PACS1: variants seen among roughly 807,000 people sequenced by gnomAD.
The protein encoded by PACS1 is PACS-1.
A neutral mutation model predicts 115.0 loss-of-function variants in PACS1; 24 were observed. The observed-to-expected ratio is 0.21, with a 90% CI of 0.15 to 0.29. PACS1 has a LOEUF of 0.29. Ranked by LOEUF, PACS1 falls within the 10% of genes least tolerant of loss-of-function variation. The pLI is 1.00. For synonymous variants in PACS1, 453 were observed against 504.5 expected (o/e 0.90, Z 1.37); for missense variants, 838 against 1,251.2 (o/e 0.67, Z 4.98).
intron 1 of PACS1, among the ~76,000 whole-genome samples, chr11:66,117,253 G>T (rs1858325441): frequency 6.6e-6 from 1 of 151,952 alleles, no homozygotes; most frequent in Non-Finnish European, 1.5e-5. Context: ...TTGAGGTCAG[G>T]AGTTTGAAGC....
At chr11:66,238,628 AGTGCTGGGATTAC>A in intron 19 of PACS1, 163 bp from the exon 20 acceptor site, 2 of 622,420 alleles carry the variant, frequency 3.2e-6, no homozygotes, top group Non-Finnish European at 5.6e-6. Flanking sequence ...AGCCTCCCAA[AGTGCTGGGATTAC>A]AGGCATAAGC....
At chr11:66,100,731 AG>A in intron 1 of PACS1, 1 of 452,024 alleles carries the variant, frequency 2.2e-6, no homozygotes, top group Non-Finnish European at 4.5e-6. Flanking sequence ...TGGAGCATCC[AG>A]GGGCGGAGGC....
intron 1 of PACS1, among the ~76,000 whole-genome samples, chr11:66,162,387 G>T (rs551796212): frequency 6.6e-6 from 1 of 152,150 alleles, no homozygotes; most frequent in Admixed American, 6.6e-5. Flanking sequence ...CTCCCAAAGT[G>T]CTGGGATTAC....
intron 1 of PACS1, among the ~76,000 whole-genome samples, chr11:66,125,171 C>T (rs147959847): frequency 2.6e-5 from 4 of 152,202 alleles, no homozygotes; most frequent in Non-Finnish European, 5.9e-5. Context: ...AAGAATGATA[C>T]AATGGACTTT....
At chr11:66,183,910 G>C (rs910832179) in intron 1 of PACS1, among the ~76,000 whole-genome samples, 2 of 152,142 alleles carry the variant, frequency 1.3e-5, no homozygotes, top group Non-Finnish European at 2.9e-5. Context: ...TGACATCTGG[G>C]TGTTGCCATG....
intron 1 of PACS1, among the ~76,000 whole-genome samples, chr11:66,102,929 C>A (rs561742169): frequency 6.6e-6 from 1 of 152,116 alleles, no homozygotes; most frequent in Non-Finnish European, 1.5e-5. Flanking sequence ...CTCCCAGGTT[C>A]AAGCCATTCT....
At chr11:66,188,694 G>A (rs1394547564) in intron 1 of PACS1, among the ~76,000 whole-genome samples, 1 of 152,154 alleles carries the variant, frequency 6.6e-6, no homozygotes, top group Non-Finnish European at 1.5e-5. Flanking sequence ...GGGGTGGGCA[G>A]CTAACTAACC....
chr11:66,234,512 T>C (rs1263123260), intron 17 of PACS1, among the ~76,000 whole-genome samples: 1 of 152,204 alleles, frequency 6.6e-6, no homozygotes, highest in Non-Finnish European at 1.5e-5. Context: ...GGCCAGGGCG[T>C]CTCTAGTTGT....
intron 11 of PACS1, among the ~76,000 whole-genome samples, chr11:66,229,827 T>C (rs763357625): frequency 9.9e-5 from 15 of 152,110 alleles, no homozygotes; most frequent in Non-Finnish European, 2.1e-4. Context: ...ATGCTTGTAA[T>C]CCCAGCTAGT....
intron 1 of PACS1, among the ~76,000 whole-genome samples, chr11:66,188,861 A>G (rs1854451878): frequency 6.6e-6 from 1 of 152,186 alleles, no homozygotes; most frequent in Non-Finnish European, 1.5e-5. Context: ...GTTCTCTGTT[A>G]TATTAAGGTA....
At chr11:66,072,209 A>G (rs1857320073) in intron 1 of PACS1, among the ~76,000 whole-genome samples, 1 of 152,036 alleles carries the variant, frequency 6.6e-6, no homozygotes, top group African/African-American at 2.4e-5. Flanking sequence ...TAGGTTTGTG[A>G]GAATCATCCA....
rs534653144 is a variant in PACS1, at chr11:66,071,361, C to T, written c.356+519C>T. Among the ~76,000 whole-genome samples the T allele has an allele frequency of 2.0e-5, 3 of 152,294 alleles. No individual in the cohort carries two copies. The East Asian group carries it at 5.8e-4, about 29-fold the overall frequency. ...ACTTCATATTACACACGTTCTGTCC[C>T]AAGCGCTAGGCTCTTAGTTTTGGGG... On this transcript the variant is annotated intron_variant, in intron 1 of 23. Coordinates refer to ENST00000320580, the MANE Select transcript of PACS1 (RefSeq NM_018026.4).
chr11:66,078,758 TG>T (rs1340276720), intron 1 of PACS1, among the ~76,000 whole-genome samples: 2 of 152,204 alleles, frequency 1.3e-5, no homozygotes, highest in Non-Finnish European at 2.9e-5. Flanking sequence ...CCCACTATGC[TG>T]CCCAGGCTGA....
chr11:66,186,761 A>AT (rs577565904), intron 1 of PACS1, among the ~76,000 whole-genome samples: 149 of 152,118 alleles, frequency 9.8e-4, no homozygotes, highest in East Asian at 3.9e-3. Context: ...TCATTCAGGC[A>AT]TTTTTTTTGT....
At chr11:66,119,105 A>T in intron 1 of PACS1, among the ~76,000 whole-genome samples, 1 of 151,992 alleles carries the variant, frequency 6.6e-6, no homozygotes. Context: ...GAGGCCCCCT[A>T]CTCCCTGCTT....
chr11:66,073,501 G>A (rs1857345186), intron 1 of PACS1, among the ~76,000 whole-genome samples: 1 of 152,174 alleles, frequency 6.6e-6, no homozygotes, highest in South Asian at 2.1e-4. Flanking sequence ...ACAGTGTTAG[G>A]AAGGTCCTGC....
At chr11:66,215,670 G>A (rs934798307) in intron 4 of PACS1, among the ~76,000 whole-genome samples, 4 of 151,926 alleles carry the variant, frequency 2.6e-5, no homozygotes, top group South Asian at 2.1e-4. Context: ...AGGCCGAGGC[G>A]GGCAGATCAT....
At position 66,077,380 on chromosome 11, in the gene PACS1, T is replaced by C. The variant is rs978873181; in HGVS notation, c.356+6538T>C. Among the ~76,000 whole-genome samples, 14 of 152,240 alleles carry C rather than the reference T, an allele frequency of 9.2e-5. 1 individual carries two copies. Among genetic ancestry groups the C allele is most frequent in the Admixed American group, 9.2e-4 (14 of 15,288 alleles). ...GAGTTTGAGACCAGCCTAGACAACA[T>C]GGCAACCCCTCTCCACAAAAAATAA... On this transcript the variant is annotated intron_variant, in intron 1 of 23. Coordinates refer to ENST00000320580, the MANE Select transcript of PACS1 (RefSeq NM_018026.4).
rs1414073798 is a variant in PACS1 at position 66,233,720 on chromosome 11, G to A, written c.1839-65G>A. 3 of 1,499,298 alleles carry A rather than the reference G, an allele frequency of 2.0e-6. No individual in the cohort carries two copies. In the East Asian group the frequency reaches 6.9e-5, roughly 34 times the overall value. The allele number at this position is 1,499,298 out of a possible 1,614,324, so 92.9% of individuals were successfully genotyped here. ...GTTGAGATCACAGAAAGTCAGCTCT[G>A]GGCCTCCCCCGGGCAGGATCCTGGC... On this transcript the variant is annotated intron_variant, in intron 15 of 23. Transcript: ENST00000320580. The surrounding 1 kb of genome is among the most constrained non-coding windows in gnomAD (Gnocchi z 4.5).
Sources: gnomAD v4.1 joint callset for allele counts (sites outside exome capture counted in the v4.1 genomes callset) on GRCh38, gnomAD v4.1.1 for gene constraint, Gnocchi (gnomAD v3.1) non-coding constraint, MANE v1.5 for transcripts, NCBI Gene and HGNC (gene_info 2026-07-23, HGNC 2026-07-21) for gene names.